CACNA2D2: variants seen among roughly 807,000 people sequenced by gnomAD.
CACNA2D2 encodes the protein voltage-dependent calcium channel subunit alpha-2/delta-2.
In CACNA2D2, 48 loss-of-function variants were observed where a neutral mutation model predicts 166.4. That is an observed-to-expected ratio of 0.29 (90% CI 0.23 to 0.37). CACNA2D2 has a LOEUF of 0.37. Ranked by LOEUF, CACNA2D2 falls within the 10% of genes least tolerant of loss-of-function variation. The pLI is 1.00. For synonymous variants in CACNA2D2, 561 were observed against 573.7 expected, an observed-to-expected ratio of 0.98 and a Z score of 0.32; for missense variants, 1,122 against 1,433.0, an observed-to-expected ratio of 0.78 and a Z score of 3.50.
chr3:50,366,683 C>T lies in CACNA2D2; in HGVS notation c.2590-58G>A. On this transcript the variant is annotated intron_variant, in intron 29 of 37. Coordinates refer to ENST00000424201, the MANE Select transcript of CACNA2D2 (RefSeq NM_006030.4). The surrounding 1 kb of genome is among the most constrained non-coding windows in gnomAD (Gnocchi z 5.9). ...CCACCAGTTTTCCTCCCTCCCATCA[C>T]CTTTCATACATCCGGTTCCCCAGGC... 6.2e-7 allele frequency: 1 copy of T among 1,603,998 alleles called. No individual in the cohort carries two copies. Among genetic ancestry groups the T allele is most frequent in the East Asian group, 2.2e-5 (1 of 44,840 alleles).
Position 50,396,390 on chromosome 3 carries a change from CCT to C in CACNA2D2, c.406-2224_406-2223del, listed in dbSNP as rs537060243. ...TGTAGATCTGGTCATGACACCGTCC[CCT>C]GTCCCAAAACCCTTCAGTGGTTACC... On this transcript the variant is annotated intron_variant, in intron 3 of 37. Transcript: ENST00000424201. Among the ~76,000 whole-genome samples the C allele has an allele frequency of 2.9e-4, 44 of 151,988 alleles. 1 individual carries two copies. Among genetic ancestry groups the C allele is most frequent in the Middle Eastern group, 6.8e-3 (2 of 294 alleles).
chr3:50,437,032 T>C (rs565793225), intron 2 of CACNA2D2, among the ~76,000 whole-genome samples: 32 of 152,354 alleles, frequency 2.1e-4, no homozygotes, highest in South Asian at 2.1e-3. Flanking sequence ...CTGTGTGCAG[T>C]GGACACCTGG....
intron 2 of CACNA2D2, among the ~76,000 whole-genome samples, chr3:50,440,074 G>A (rs1708518580): frequency 6.6e-6 from 1 of 152,246 alleles, no homozygotes; most frequent in Non-Finnish European, 1.5e-5. Flanking sequence ...GACAGATCCA[G>A]GACAGGCTGC....
rs1227035819 is a variant in CACNA2D2, at chr3:50,367,095, G to A, written c.2416C>T (p.Leu806=). Residue 806 remains leucine (L), a synonymous_variant, in exon 28 of 38, where the codon CTG becomes TTG. Coordinates refer to ENST00000424201, the MANE Select transcript of CACNA2D2 (RefSeq NM_006030.4). This position sits in a 1 kb window ranked among gnomAD's most constrained non-coding sequence, Gnocchi z 6.5. ...CCCACAGTGTCATTCTCCAGCTCCAGCGGCCTTAACAGGGCTGGGGGTTGG... is the reference window on the plus strand; with the variant it reads ...CCCACAGTGTCATTCTCCAGCTCCAACGGCCTTAACAGGGCTGGGGGTTGG... ...PPHQDALLRP[L]ELENDTVGIL... The A allele has an allele frequency of 6.2e-7, 1 of 1,613,512 alleles. No homozygotes were observed. The highest frequency in any genetic ancestry group is 8.5e-7 in the Non-Finnish European group (1 of 1,179,978).
intron 5 of CACNA2D2, among the ~76,000 whole-genome samples, chr3:50,385,074 C>T (rs1269745295): frequency 6.6e-6 from 1 of 152,112 alleles, no homozygotes; most frequent in Non-Finnish European, 1.5e-5. Flanking sequence ...GCAGGCTGGG[C>T]ATGCACCGTG....
chr3:50,443,413 T>C (rs1288985887), intron 2 of CACNA2D2, among the ~76,000 whole-genome samples: 2 of 152,204 alleles, frequency 1.3e-5, no homozygotes, highest in African/African-American at 2.4e-5. Context: ...GCATAACCCA[T>C]GGAGTCCTTG....
chr3:50,473,784 C>A (rs1710195062), intron 2 of CACNA2D2, among the ~76,000 whole-genome samples: 1 of 152,222 alleles, frequency 6.6e-6, no homozygotes, highest in South Asian at 2.1e-4. Context: ...CCTCAACCCC[C>A]AACCCCCACG....
chr3:50,454,004 C>T (rs961786351), intron 2 of CACNA2D2, among the ~76,000 whole-genome samples: 1 of 152,208 alleles, frequency 6.6e-6, no homozygotes, highest in Admixed American at 6.5e-5. Flanking sequence ...CCCTCCACAC[C>T]CGGGTTCCGG....
intron 1 of CACNA2D2, among the ~76,000 whole-genome samples, chr3:50,478,284 T>C (rs1697887338): frequency 6.6e-6 from 1 of 152,142 alleles, no homozygotes; most frequent in Non-Finnish European, 1.5e-5. Context: ...CTGGCCCCTG[T>C]CCACCAGGGC....
chr3:50,438,973 CCT>C (rs936720449), intron 2 of CACNA2D2, among the ~76,000 whole-genome samples: 15 of 152,304 alleles, frequency 9.8e-5, no homozygotes, highest in Admixed American at 3.3e-4. Flanking sequence ...TCCTACAACC[CCT>C]GAGGAGGGTC....
chr3:50,365,353 C>A lies in CACNA2D2; in HGVS notation c.3098+3G>T, dbSNP rs1704188215. On this transcript the variant is annotated splice_donor_region_variant and intron_variant, in intron 35 of 37. Transcript: ENST00000424201. This position sits in a 1 kb window ranked among gnomAD's most constrained non-coding sequence, Gnocchi z 4.5. ...GCCTCTGGTCCCGCCCCACTGCCAG[C>A]ACCTGGAGCAGTTTCCGCAGTCGAT... is the stretch of plus-strand genomic sequence containing the variant. 6.2e-7 allele frequency: 1 copy of A among 1,612,680 alleles called. No homozygotes were observed. Among genetic ancestry groups the A allele is most frequent in the African/African-American group, 1.3e-5 (1 of 74,890 alleles).
At chr3:50,396,697 C>T (rs1033762016) in intron 3 of CACNA2D2, among the ~76,000 whole-genome samples, 20 of 148,406 alleles carry the variant, frequency 1.3e-4, no homozygotes, top group African/African-American at 5.0e-4. Flanking sequence ...TAACTTGGCC[C>T]GGAGGCTGTG....
intron 1 of CACNA2D2, among the ~76,000 whole-genome samples, 200 bp downstream of exon 1, chr3:50,503,018 G>T (rs1366326151): frequency 6.6e-6 from 1 of 152,214 alleles, no homozygotes; most frequent in Non-Finnish European, 1.5e-5. Context: ...GCACCGCGGG[G>T]AAGTTTCGCG....
At chr3:50,377,951 G>A in intron 15 of CACNA2D2, 57 bp downstream of exon 15, 1 of 1,569,732 alleles carries the variant, frequency 6.4e-7, no homozygotes, top group Non-Finnish European at 8.8e-7. Flanking sequence ...TGACCCTGTG[G>A]GCACATCTCC....
Position 50,503,590 on chromosome 3 carries a change from G to GGCTGCGC in CACNA2D2, c.-174_-168dup. On this transcript the variant is annotated 5_prime_UTR_variant, in exon 1 of 38. Transcript: ENST00000424201. ...CTGCACGGGCCGCAGCGCCTCTGCG[G>GGCTGCGC]GCTGCGCGCTGCTATCTCCCTGCAG... is the stretch of plus-strand genomic sequence containing the variant. 1 of 166,438 alleles carries GGCTGCGC rather than the reference G, an allele frequency of 6.0e-6. No individual in the cohort carries two copies. Among genetic ancestry groups the GGCTGCGC allele is most frequent in the Non-Finnish European group, 1.3e-5 (1 of 77,998 alleles). 10.3% of individuals were successfully genotyped at this position (166,438 alleles called of 1,614,324 possible).
chr3:50,364,938 T>C lies in CACNA2D2; in HGVS notation c.3241A>G (p.Arg1081Gly). 1 of 1,613,198 alleles carries C rather than the reference T, an allele frequency of 6.2e-7. No individual in the cohort carries two copies. The highest frequency in any genetic ancestry group is 8.5e-7 in the Non-Finnish European group (1 of 1,179,852). Residue 1081 changes from arginine to glycine, a missense_variant, in exon 37 of 38, where the codon AGA becomes GGA. Arg to Gly is a moderately radical substitution (Grantham distance 125). This residue lies in a region of CACNA2D2 where 282 missense variants were observed against 266.2 expected (regional missense o/e 1.06). Transcript: ENST00000424201. ...DGPEQCELVQ[R>G]PRYRRGPHIC... ...TGCGGGCCTCTCCGGTATCGCGGTC[T>C]CTGCACTAGCTCACACTGCTCCGGG...
chr3:50,503,294 G>A lies in CACNA2D2; in HGVS notation c.130C>T (p.Leu44=), dbSNP rs1699061437. 9.4e-7 allele frequency: 1 copy of A among 1,058,404 alleles called. No individual in the cohort carries two copies. 65.6% of individuals were successfully genotyped at this position (1,058,404 alleles called of 1,614,324 possible). ...GGTAGAAGCGGCAGCAGCAGCCACA[G>A]CGGGCGCGGGGGCCCGGACGTCGGG... ...RRPTSGPPRP[L]WLLLPLLPLL... Residue 44 remains leucine, a synonymous_variant, in exon 1 of 38, where the codon CTG becomes TTG. Coordinates refer to ENST00000424201, the MANE Select transcript of CACNA2D2 (RefSeq NM_006030.4).
At position 50,376,113 on chromosome 3, in the gene CACNA2D2, C is replaced by T; in HGVS notation, c.1701+1G>A. The stretch of plus-strand genomic sequence containing the variant: ...CCCTCCAGGCCACCCGTCTGGCTCA[C>T]CTGGGGCTTGAGATTGGGGTGCAGC... On this transcript the variant is annotated splice_donor_variant, in intron 18 of 37. Transcript: ENST00000424201. LOFTEE classifies it high-confidence loss of function. This position sits in a 1 kb window ranked among gnomAD's most constrained non-coding sequence, Gnocchi z 4.3. 6.2e-7 allele frequency: 1 copy of T among 1,613,458 alleles called. No homozygotes were observed. The highest frequency in any genetic ancestry group is 8.5e-7 in the Non-Finnish European group (1 of 1,179,996).
At chr3:50,494,762 C>T (rs566173054) in intron 1 of CACNA2D2, among the ~76,000 whole-genome samples, 28 of 152,296 alleles carry the variant, frequency 1.8e-4, no homozygotes, top group African/African-American at 6.5e-4. Flanking sequence ...ATAGCCTCAA[C>T]TTCCTGGGCT....
Sources: gnomAD v4.1 joint callset for allele counts (sites outside exome capture counted in the v4.1 genomes callset) on GRCh38, gnomAD v4.1.1 for gene constraint, gnomAD v4.1.1 regional missense constraint, Gnocchi (gnomAD v3.1) non-coding constraint, MANE v1.5 for transcripts, NCBI Gene and HGNC (gene_info 2026-07-23, HGNC 2026-07-21) for gene names.